SGCZ: variants seen among roughly 807,000 people sequenced by gnomAD.
The protein encoded by SGCZ is sarcoglycan zeta, also known as zeta-sarcoglycan.
In SGCZ, 40 loss-of-function variants were observed where a neutral mutation model predicts 41.3. The ratio of observed to expected loss-of-function variants is 0.97; its 90% CI spans 0.75 to 1.26. SGCZ has a LOEUF of 1.26. SGCZ is among the 50% of genes most tolerant of loss of function. The probability of loss-of-function intolerance (pLI) is 0.00; values close to 1 mark genes in which losing one functional copy is unlikely to be tolerated. For missense variants in SGCZ, 552 were observed against 369.8 expected (o/e 1.49, Z -4.04); for synonymous variants, 206 against 137.5 (o/e 1.50, Z -3.49).
intron 2 of SGCZ, among the ~76,000 whole-genome samples, chr8:14,448,384 T>C (rs959444670): frequency 2.0e-5 from 3 of 152,204 alleles, no homozygotes; most frequent in African/African-American, 7.2e-5. Flanking sequence ...AGTAAACTGT[T>C]ACAGTGGGCC....
chr8:14,432,701 GTCGGGAGT>G (rs1314885803), intron 2 of SGCZ, among the ~76,000 whole-genome samples: 1 of 151,998 alleles, frequency 6.6e-6, no homozygotes, highest in African/African-American at 2.4e-5. Flanking sequence ...ATCACCTGAG[GTCGGGAGT>G]TCGAGACCAG....
chr8:14,579,531 T>A (rs988132801), intron 1 of SGCZ, among the ~76,000 whole-genome samples: 1 of 152,234 alleles, frequency 6.6e-6, no homozygotes, highest in African/African-American at 2.4e-5. Flanking sequence ...ACTATTAAAG[T>A]TAATTAAACT....
At chr8:14,497,159 T>C (rs923845478) in intron 2 of SGCZ, among the ~76,000 whole-genome samples, 2 of 152,178 alleles carry the variant, frequency 1.3e-5, no homozygotes, top group Non-Finnish European at 2.9e-5. Context: ...TATGAAGAAA[T>C]ACCTGAGGCT....
intron 1 of SGCZ, among the ~76,000 whole-genome samples, chr8:14,638,645 A>G (rs1806914531): frequency 6.6e-6 from 1 of 151,728 alleles, no homozygotes; most frequent in African/African-American, 2.4e-5. Context: ...TTTTCTCAGG[A>G]CTATGAACTC....
chr8:14,631,511 G>C (rs1806653380), intron 1 of SGCZ, among the ~76,000 whole-genome samples: 1 of 152,002 alleles, frequency 6.6e-6, no homozygotes, highest in Non-Finnish European at 1.5e-5. Flanking sequence ...GAGATAATTG[G>C]TTTGAAACAT....
chr8:15,175,158 T>A (rs1799958982), intron 1 of SGCZ, among the ~76,000 whole-genome samples: 1 of 152,102 alleles, frequency 6.6e-6, no homozygotes, highest in South Asian at 2.1e-4. Context: ...AAATTCCACT[T>A]GACCGAGCAA....
rs1251850971 is a variant in SGCZ, at chr8:14,279,622, G to A, written c.337-41943C>T. Among the ~76,000 whole-genome samples, 7 of 151,992 alleles carry A rather than the reference G, an allele frequency of 4.6e-5. No homozygotes were observed. The East Asian group carries it at 1.2e-3, about 25-fold the overall frequency. On this transcript the variant is annotated intron_variant, in intron 3 of 7. Transcript: ENST00000382080. The stretch of plus-strand genomic sequence containing the variant: ...CCAAGAATCCATGACTGTAACATAT[G>A]TTAACATACCACAGTGATGGATATA...
intron 1 of SGCZ, among the ~76,000 whole-genome samples, chr8:15,030,459 GA>G (rs1264520053): frequency 6.6e-6 from 1 of 152,048 alleles, no homozygotes; most frequent in Non-Finnish European, 1.5e-5. Flanking sequence ...GGTAATGACT[GA>G]AAAAAAGTTT....
At chr8:15,213,228 T>C (rs1801293992) in intron 1 of SGCZ, among the ~76,000 whole-genome samples, 1 of 151,954 alleles carries the variant, frequency 6.6e-6, no homozygotes, top group Non-Finnish European at 1.5e-5. Flanking sequence ...AGGTTTAAAC[T>C]TTATAATTGC....
At chr8:14,846,394 T>C (rs535397178) in intron 1 of SGCZ, among the ~76,000 whole-genome samples, 14 of 151,714 alleles carry the variant, frequency 9.2e-5, no homozygotes, top group East Asian at 1.9e-4. Flanking sequence ...AAATCAAAAG[T>C]TGGATCTCTG....
chr8:14,876,297 G>A (rs1029903794), intron 1 of SGCZ, among the ~76,000 whole-genome samples: 42 of 152,160 alleles, frequency 2.8e-4, no homozygotes, highest in Non-Finnish European at 5.6e-4. Context: ...AAAATATTTT[G>A]AGATAAATGA....
chr8:14,109,475 T>A (rs1359512282), intron 5 of SGCZ, among the ~76,000 whole-genome samples: 1 of 152,168 alleles, frequency 6.6e-6, no homozygotes, highest in Non-Finnish European at 1.5e-5. Flanking sequence ...TGGTCTAATC[T>A]TCTTCAAAGT....
chr8:14,343,578 A>G (rs1331780654), intron 2 of SGCZ, among the ~76,000 whole-genome samples: 1 of 152,210 alleles, frequency 6.6e-6, no homozygotes, highest in African/African-American at 2.4e-5. Context: ...GAAATAGCAT[A>G]GTGCTGCAGA....
At chr8:14,686,036 T>C (rs886387825) in intron 1 of SGCZ, among the ~76,000 whole-genome samples, 1 of 152,128 alleles carries the variant, frequency 6.6e-6, no homozygotes, top group African/African-American at 2.4e-5. Flanking sequence ...AACAGGTAAC[T>C]AATTACTTCT....
intron 2 of SGCZ, among the ~76,000 whole-genome samples, chr8:14,508,326 A>G (rs1802369407): frequency 6.6e-6 from 1 of 152,186 alleles, no homozygotes; most frequent in Non-Finnish European, 1.5e-5. Context: ...TGTTGAATGA[A>G]TGAGTAAAAT....
chr8:15,150,673 T>C (rs1239094654), intron 1 of SGCZ, among the ~76,000 whole-genome samples: 1 of 152,124 alleles, frequency 6.6e-6, no homozygotes, highest in Non-Finnish European at 1.5e-5. Flanking sequence ...TGAGAAAAAA[T>C]TGTATCAAGA....
At chr8:14,230,407 A>T (rs1286789108) in intron 4 of SGCZ, among the ~76,000 whole-genome samples, 1 of 152,132 alleles carries the variant, frequency 6.6e-6, no homozygotes, top group Non-Finnish European at 1.5e-5. Context: ...ATGTTAACAT[A>T]TTTAATTTTC....
intron 1 of SGCZ, among the ~76,000 whole-genome samples, chr8:14,811,772 T>C (rs992108247): frequency 2.6e-5 from 4 of 152,058 alleles, no homozygotes; most frequent in African/African-American, 7.2e-5. Context: ...CATGAAGATA[T>C]TCACTCAAAT....
chr8:15,217,143 C>T (rs1254856546), intron 1 of SGCZ, among the ~76,000 whole-genome samples: 2 of 152,072 alleles, frequency 1.3e-5, no homozygotes, highest in Non-Finnish European at 2.9e-5. Flanking sequence ...ACTGGCCGGG[C>T]GCGGTGGCTC....
Sources: allele counts gnomAD v4.1 joint callset (sites outside exome capture counted in the v4.1 genomes callset), GRCh38; gene constraint gnomAD v4.1.1; transcripts MANE v1.5; gene names NCBI Gene and HGNC (gene_info 2026-07-23, HGNC 2026-07-21).